The following C12orf57 variants were observed in gnomAD, a reference collection of about 807,000 sequenced individuals.
C12orf57 encodes chromosome 12 open reading frame 57.
A neutral mutation model predicts 11.3 loss-of-function variants in C12orf57; 14 were observed. The ratio of observed to expected loss-of-function variants is 1.24; its 90% confidence interval spans 0.82 to 1.94. The LOEUF is 1.94. C12orf57 is among the 30% of genes most tolerant of loss of function. The probability of loss-of-function intolerance (pLI) is 0.00; values close to 1 mark genes in which losing one functional copy is unlikely to be tolerated. For synonymous variants in C12orf57, 100 were observed against 74.6 expected, an observed-to-expected ratio of 1.34 and a Z score of -1.76; for missense variants, 229 against 172.4, an observed-to-expected ratio of 1.33 and a Z score of -1.84.
upstream of C12orf57, chr12:6,943,947 T>G (rs782362237): frequency 5.8e-5 from 85 of 1,467,392 alleles, no homozygotes; most frequent in African/African-American, 1.1e-3. Flanking sequence ...TTTGGTGGTC[T>G]TGATGCAGTT....
rs1253238241 is a variant in C12orf57 at position 6,944,060 on chromosome 12, C to T, written c.-62C>T. On this transcript the variant is annotated 5_prime_UTR_variant, in exon 1 of 3. It adds an upstream start codon to the 5' untranslated region. Coordinates refer to ENST00000229281, the MANE Select transcript of C12orf57 (RefSeq NM_138425.4). ...AGGGGCGTTGGGAACGGTTGTAGGA[C>T]GTGGCTCTTTATTCGTGAGTTTTCC... The T allele has an allele frequency of 3.0e-5, 49 of 1,613,008 alleles. No homozygotes were observed. The highest frequency in any genetic ancestry group is 1.3e-4 in the East Asian group (6 of 44,896).
At chr12:6,943,974 A>G (rs1437562572), upstream of C12orf57, 28 of 1,564,908 alleles carry the variant, frequency 1.8e-5, no homozygotes, top group South Asian at 1.6e-4. Context: ...TTGGGGTATG[A>G]AGGTTTGGGC....
rs782697275 is a variant in C12orf57, at chr12:6,944,030, C to A, written c.-92C>A. 1 of 1,608,880 alleles carries A rather than the reference C, an allele frequency of 6.2e-7. No individual in the cohort carries two copies. The highest frequency in any genetic ancestry group is 8.5e-7 in the Non-Finnish European group (1 of 1,179,470). ...TGCGCCGGATGCTGTTTCCTTTCCG[C>A]TCCCAGGGGCGTTGGGAACGGTTGT... On this transcript the variant is annotated 5_prime_UTR_variant, in exon 1 of 3. Coordinates refer to ENST00000229281, the MANE Select transcript of C12orf57 (RefSeq NM_138425.4).
Position 6,944,090 on chromosome 12 carries a change from A to G in C12orf57, c.-32A>G, listed in dbSNP as rs181336893. On this transcript the variant is annotated 5_prime_UTR_variant, in exon 1 of 3. Coordinates refer to ENST00000229281, the MANE Select transcript of C12orf57 (RefSeq NM_138425.4). ...CTCTTTATTCGTGAGTTTTCCATTT[A>G]CCTCCGCTGAACCTAGAGCTTCAGA... 6,075 of 1,613,856 alleles carry G rather than the reference A, an allele frequency of 3.8e-3. 18 individuals are homozygous for G. Among genetic ancestry groups the G allele is most frequent in the Non-Finnish European group, 4.6e-3 (5,431 of 1,179,900 alleles).
upstream of C12orf57, chr12:6,943,682 A>G: frequency 1.6e-6 from 2 of 1,282,466 alleles, no homozygotes; most frequent in Non-Finnish European, 2.0e-6. Context: ...TTAGAATATT[A>G]TTTTTCCTAC....
At chr12:6,944,365 T>G in intron 1 of C12orf57, 111 bp from the exon 2 acceptor site, 2 of 1,553,154 alleles carry the variant, frequency 1.3e-6, no homozygotes, top group South Asian at 2.3e-5. Context: ...TGGGATCTTA[T>G]TGGGTTACCT....
At chr12:6,945,572 G>A (rs782286193) in intron 2 of C12orf57, among the ~76,000 whole-genome samples, 199 bp from the exon 3 acceptor site, 3 of 152,096 alleles carry the variant, frequency 2.0e-5, no homozygotes, top group Non-Finnish European at 4.4e-5. Context: ...TTCATTCACT[G>A]CATCCCATCT....
At chr12:6,943,735 C>A (rs781933242), upstream of C12orf57, 2 of 1,236,798 alleles carry the variant, frequency 1.6e-6, no homozygotes, top group South Asian at 1.4e-5. Flanking sequence ...GTAATAGGAA[C>A]AAGAAAAAAG....
chr12:6,943,866 CCGGAAAGCCCCTCT>C, upstream of C12orf57: 1 of 934,292 alleles, frequency 1.1e-6, no homozygotes, highest in African/African-American at 1.7e-5. Flanking sequence ...TGGCTTTTTA[CCGGAAAGCCCCTCT>C]TATGATGTTT....
upstream of C12orf57, chr12:6,943,843 C>T (rs180837208): frequency 6.5e-4 from 579 of 888,466 alleles, no homozygotes; most frequent in Non-Finnish European, 7.4e-4. Flanking sequence ...TAGAATTTGT[C>T]TAGTAGGCTT....
chr12:6,943,745 G>T (rs114309358), upstream of C12orf57: 3,421 of 1,201,300 alleles, frequency 2.8e-3, 72 homozygotes, highest in African/African-American at 0.05. Context: ...CAAGAAAAAA[G>T]TCACCTAAGC....
chr12:6,943,810 A>C (rs146258471), upstream of C12orf57: 17 of 864,328 alleles, frequency 2.0e-5, no homozygotes, highest in African/African-American at 1.4e-4. Flanking sequence ...CCAAACACAT[A>C]CGCAGCAGTG....
upstream of C12orf57, chr12:6,943,980 T>G (rs1030933449): frequency 1.4e-5 from 22 of 1,575,786 alleles, no homozygotes; most frequent in African/African-American, 1.2e-4. Flanking sequence ...TATGAAGGTT[T>G]GGGCCACGCC....
In C12orf57 at chr12:6,944,485, C is replaced by T. The variant is rs146024802; in HGVS notation, c.62C>T (p.Ala21Val). The change falls in exon 2 of 3, where the codon GCG (alanine) becomes GTG (valine). Residue 21 changes from alanine to valine, a missense_variant. By Grantham distance (64) the Ala-to-Val change is moderately conservative. Transcript: ENST00000229281. Reference sequence around the variant, plus strand: ...TGCTTCTGGCGCGCAGTGGTCCTCGCGGAGGTGATCCAGGCGTTCTCCGCC... The same window carrying T: ...TGCTTCTGGCGCGCAGTGGTCCTCGTGGAGGTGATCCAGGCGTTCTCCGCC... ...LSAEQAKVVLAEVIQAFSAPE... is the reference protein window; with the variant it reads ...LSAEQAKVVLVEVIQAFSAPE... 884 of 1,612,100 alleles carry T rather than the reference C, an allele frequency of 5.5e-4. 1 individual carries two copies. The highest frequency in any genetic ancestry group is 7.2e-4 in the Non-Finnish European group (848 of 1,179,836).
At position 6,944,287 on chromosome 12, in the gene C12orf57, C is replaced by T. The variant is rs1945732682; in HGVS notation, c.52+114C>T. The T allele has an allele frequency of 3.8e-6, 6 of 1,598,612 alleles. No homozygotes were observed. In the East Asian group the frequency reaches 1.1e-4, roughly 30 times the overall value. On this transcript the variant is annotated intron_variant, in intron 1 of 2. Transcript: ENST00000229281. ...TGTGGGGCGACAAACCTGGCTACGTCCGCCGGGAAAATGGGGTAGGGGACG... is the reference window on the plus strand; with the variant it reads ...TGTGGGGCGACAAACCTGGCTACGTTCGCCGGGAAAATGGGGTAGGGGACG...
chr12:6,943,835 G>A (rs782066592), upstream of C12orf57: 425 of 877,488 alleles, frequency 4.8e-4, no homozygotes, highest in African/African-American at 5.9e-4. Context: ...AGCTCTTTTA[G>A]AATTTGTCTA....
upstream of C12orf57, chr12:6,943,899 T>C (rs1010719965): frequency 3.1e-4 from 340 of 1,100,910 alleles, 2 homozygotes; most frequent in East Asian, 1.9e-4. Context: ...TTGTTGCCAA[T>C]GATAGATTGT....
chr12:6,943,460 G>A (rs1945678844), upstream of C12orf57: 1 of 1,223,886 alleles, frequency 8.2e-7, no homozygotes, highest in African/African-American at 1.6e-5. Context: ...CCGGGCATTA[G>A]GCTCCATCGC....
upstream of C12orf57, chr12:6,943,867 C>CGGA: frequency 1.1e-6 from 1 of 939,356 alleles, no homozygotes. Flanking sequence ...GGCTTTTTAC[C>CGGA]GGAAAGCCCC....
Sources: allele counts gnomAD v4.1 joint callset (sites outside exome capture counted in the v4.1 genomes callset), GRCh38; gene constraint gnomAD v4.1.1; transcripts MANE v1.5; gene names NCBI Gene and HGNC (gene_info 2026-07-23, HGNC 2026-07-21).